CREBZF: variants seen among roughly 807,000 people sequenced by gnomAD.
CREBZF encodes HCF-binding transcription factor Zhangfei.
In CREBZF, 8 loss-of-function variants were observed where a neutral mutation model predicts 21.1. That is an observed-to-expected ratio of 0.38 (90% CI 0.22 to 0.68). The LOEUF is 0.68. Ranked by LOEUF, CREBZF falls within the 30% of genes least tolerant of loss-of-function variation. CREBZF has a pLI of 0.51. For synonymous variants in CREBZF, 270 were observed against 223.3 expected (o/e 1.21, Z -1.86); for missense variants, 518 against 484.3 (o/e 1.07, Z -0.65).
upstream of CREBZF, among the ~76,000 whole-genome samples, chr11:85,670,129 A>T (rs547306455): frequency 6.6e-6 from 1 of 152,136 alleles, no homozygotes; most frequent in South Asian, 2.1e-4. Flanking sequence ...GTAAATACAC[A>T]AGCATTTCAT....
At position 85,672,709 on chromosome 11, in the gene CREBZF, C is replaced by A. The variant is rs74796243; in HGVS notation, n.148-9108G>T. On this transcript the variant is annotated intron_variant and non_coding_transcript_variant, in intron 1 of 3. Coordinates refer to the CREBZF transcript ENST00000531515. Reference sequence around the variant, plus strand: ...CCCATGTGTGAGTGTCTACACTTCACGATGGCTGTCTTCACCTAGAGCAAA... The same window carrying A: ...CCCATGTGTGAGTGTCTACACTTCAAGATGGCTGTCTTCACCTAGAGCAAA... 4.9e-3 allele frequency among the ~76,000 whole-genome samples: 751 copies of A among 152,290 alleles called. 8 individuals are homozygous for A. Among genetic ancestry groups the A allele is most frequent in the African/African-American group, 0.017 (710 of 41,550 alleles).
chr11:85,676,885 C>T (rs1230292147), intron 1 of CREBZF, among the ~76,000 whole-genome samples: 2 of 148,870 alleles, frequency 1.3e-5, no homozygotes, highest in Non-Finnish European at 3.0e-5. Context: ...TTCAAGCAAT[C>T]CGCTTGCCTC....
upstream of CREBZF, chr11:85,665,203 G>T: frequency 3.0e-6 from 1 of 333,888 alleles, no homozygotes. Flanking sequence ...ATTTCAGGGT[G>T]CTTTAGAGTG....
At chr11:85,666,408 T>C (rs754836146), upstream of CREBZF, among the ~76,000 whole-genome samples, 10 of 152,238 alleles carry the variant, frequency 6.6e-5, no homozygotes, top group Non-Finnish European at 1.3e-4. Flanking sequence ...AATCTTGGAA[T>C]TGGATGGATG....
chr11:85,679,854 G>A (rs1378945766), intron 1 of CREBZF, among the ~76,000 whole-genome samples: 18 of 152,232 alleles, frequency 1.2e-4, no homozygotes, highest in African/African-American at 4.3e-4. Context: ...GGGAAAATGT[G>A]CAGGCTTTTG....
upstream of CREBZF, among the ~76,000 whole-genome samples, chr11:85,669,881 C>G (rs1369863401): frequency 1.3e-5 from 2 of 152,206 alleles, no homozygotes; most frequent in African/African-American, 4.8e-5. Context: ...AATCTCAGCT[C>G]ACTGCAACCT....
intron 1 of CREBZF, among the ~76,000 whole-genome samples, chr11:85,673,928 A>T (rs1267518426): frequency 1.3e-5 from 2 of 152,232 alleles, no homozygotes; most frequent in South Asian, 4.1e-4. Context: ...TTCCTCATCC[A>T]TTCAAGTGAT....
upstream of CREBZF, among the ~76,000 whole-genome samples, chr11:85,670,001 G>T (rs1404961871): frequency 6.6e-6 from 1 of 151,996 alleles, no homozygotes; most frequent in Non-Finnish European, 1.5e-5. Flanking sequence ...TAGAGACGGG[G>T]TTTCACCATG....
At chr11:85,678,196 T>C (rs1397314918) in intron 1 of CREBZF, among the ~76,000 whole-genome samples, 2 of 152,206 alleles carry the variant, frequency 1.3e-5, no homozygotes, top group South Asian at 2.1e-4. Context: ...TTCAGGTTTA[T>C]CTTGTACTTT....
rs1359778462 is a variant in CREBZF at position 85,664,271 on chromosome 11, T to G, written c.605A>C (p.Asn202Thr). The G allele has an allele frequency of 6.2e-7, 1 of 1,612,608 alleles. No homozygotes were observed. The highest frequency in any genetic ancestry group is 1.7e-5 in the Admixed American group (1 of 59,974). ...GGGACTCTTTGTCGCCGCCTGGTTG[T>G]TGTCGTTACCGCTGCCGCCACCGCC... ...GGGGGGSGND[N>T]NQAATKSPRK... The change falls in exon 1 of 1, where the codon AAC becomes ACC. Residue 202 changes from asparagine to threonine, a missense_variant. Asn to Thr is a moderately conservative substitution (Grantham distance 65, BLOSUM62 0). Around this residue, in one of 3 missense-constraint regions of CREBZF, gnomAD observed 396 missense variants for 324.4 expected, o/e 1.22. Coordinates refer to ENST00000527447, the MANE Select transcript of CREBZF (RefSeq NM_001039618.4). The surrounding 1 kb of genome is among the most constrained non-coding windows in gnomAD (Gnocchi z 5.5).
chr11:85,667,320 G>A (rs571727451), upstream of CREBZF, among the ~76,000 whole-genome samples: 28 of 151,882 alleles, frequency 1.8e-4, 1 homozygote, highest in Admixed American at 6.6e-4. Context: ...TGATCTGCCC[G>A]ACTCAGCCTC....
chr11:85,668,239 A>G (rs1187325111), upstream of CREBZF, among the ~76,000 whole-genome samples: 2 of 152,192 alleles, frequency 1.3e-5, no homozygotes, highest in Admixed American at 6.5e-5. Context: ...ATTTCTCCAC[A>G]TAACTTTAGA....
In CREBZF at chr11:85,663,230, T is replaced by C. The variant is rs2082738047; in HGVS notation, c.*581A>G. ...TCTATAAGCAGGTTTCAGTGTACAG[T>C]TGGAACCGATGTCATCCAAGGCCAT... On this transcript the variant is annotated 3_prime_UTR_variant, in exon 1 of 1. Coordinates refer to ENST00000527447, the MANE Select transcript of CREBZF (RefSeq NM_001039618.4). The C allele has an allele frequency of 6.9e-6, 3 of 435,030 alleles. No individual in the cohort carries two copies. Among genetic ancestry groups the C allele is most frequent in the Admixed American group, 3.9e-5 (1 of 25,828 alleles). 26.9% of individuals were successfully genotyped at this position (435,030 alleles called of 1,614,324 possible).
In CREBZF at chr11:85,663,911, T is replaced by C; in HGVS notation, c.965A>G (p.Asp322Gly). Residue 322 changes from aspartate (D) to glycine (G), a missense_variant, in exon 1 of 1, where the codon GAC (aspartate) becomes GGC (glycine). By Grantham distance (94) the Asp-to-Gly change is moderately conservative. Around this residue, in one of 3 missense-constraint regions of CREBZF, gnomAD observed 114 missense variants for 134.1 expected, o/e 0.85. Transcript: ENST00000527447. ...KQKQDLLEED[D>G]SAGGVCLHVD... Reference sequence around the variant, plus strand: ...ATGGAGACAGACTCCTCCCGCCGAGTCGTCCTCTTCCAGCAGGTCCTGCTT... The same window carrying C: ...ATGGAGACAGACTCCTCCCGCCGAGCCGTCCTCTTCCAGCAGGTCCTGCTT... 1 of 1,612,848 alleles carries C rather than the reference T, an allele frequency of 6.2e-7. No homozygotes were observed. The highest frequency in any genetic ancestry group is 8.5e-7 in the Non-Finnish European group (1 of 1,179,848).
intron 1 of CREBZF, among the ~76,000 whole-genome samples, chr11:85,672,691 G>A (rs902864783): frequency 6.6e-5 from 10 of 152,198 alleles, no homozygotes; most frequent in African/African-American, 2.4e-4. Context: ...GGGCCCATGT[G>A]TGAGTGTCTA....
In CREBZF at chr11:85,664,540, G is replaced by A; in HGVS notation, c.336C>T (p.Asp112=). The A allele has an allele frequency of 1.9e-6, 3 of 1,613,814 alleles. No individual in the cohort carries two copies. The highest frequency in any genetic ancestry group is 1.7e-6 in the Non-Finnish European group (2 of 1,179,986). The change falls in exon 1 of 1, where the codon GAC becomes GAT. Residue 112 remains aspartate, a synonymous_variant. Coordinates refer to ENST00000527447, the MANE Select transcript of CREBZF (RefSeq NM_001039618.4). This position sits in a 1 kb window ranked among gnomAD's most constrained non-coding sequence, Gnocchi z 5.5. ...CCAGGTGCCAGTCCGGTTGCCTGGG[G>A]TCCAGGAGATCCGCCAGTTCCAGCC... The part of the protein sequence containing the change: ...LSGLELADLL[D]PRQPDWHLDP...
intron 1 of CREBZF, among the ~76,000 whole-genome samples, chr11:85,682,143 G>C (rs573353383): frequency 6.6e-6 from 1 of 152,210 alleles, no homozygotes; most frequent in East Asian, 1.9e-4. Flanking sequence ...GCATACCCAG[G>C]GCCTTAGGTT....
rs373888290 is a variant in CREBZF, at chr11:85,664,682, G to A, written c.194C>T (p.Ala65Val). The change falls in exon 1 of 1, where the codon GCC becomes GTC. Residue 65 changes from alanine (A) to valine (V), a missense_variant. By Grantham distance (64) the Ala-to-Val change is moderately conservative (BLOSUM62 0). Transcript: ENST00000527447. The surrounding 1 kb of genome is among the most constrained non-coding windows in gnomAD (Gnocchi z 5.5). ...CACGCCGCCGCGGCTCCCCCTCCCG[G>A]CTTCCAACTCTCCTTCGTCGCCAAA... The part of the protein sequence containing the change: ...QQFGDEGELE[A>V]GRGSRGGVAV... 4 of 1,604,786 alleles carry A rather than the reference G, an allele frequency of 2.5e-6. No individual in the cohort carries two copies. The highest frequency in any genetic ancestry group is 1.7e-5 in the Admixed American group (1 of 58,176).
rs202034007 is a variant in CREBZF, at chr11:85,664,723, G to C, written c.153C>G (p.Pro51=). The C allele has an allele frequency of 1.2e-6, 2 of 1,605,486 alleles. No individual in the cohort carries two copies. The highest frequency in any genetic ancestry group is 1.7e-6 in the Non-Finnish European group (2 of 1,177,402). The change falls in exon 1 of 1, where the codon CCC becomes CCG. Residue 51 remains proline (P), a synonymous_variant. Coordinates refer to ENST00000527447, the MANE Select transcript of CREBZF (RefSeq NM_001039618.4). The surrounding 1 kb of genome is among the most constrained non-coding windows in gnomAD (Gnocchi z 5.5). ...GEEETAAAGS[P]GRKQQFGDEG... is the part of the protein sequence containing the mutation. ...CGTCGCCAAACTGCTGCTTGCGGCC[G>C]GGAGATCCGGCCGCCGCCGTCTCCT...
Sources: gnomAD v4.1 joint callset for allele counts (sites outside exome capture counted in the v4.1 genomes callset) on GRCh38, gnomAD v4.1.1 for gene constraint, gnomAD v4.1.1 regional missense constraint, Gnocchi (gnomAD v3.1) non-coding constraint, MANE v1.5 for transcripts, NCBI Gene and HGNC (gene_info 2026-07-23, HGNC 2026-07-21) for gene names.